The following NXPE4 variants were observed in gnomAD, a reference collection of about 807,000 sequenced individuals.
NXPE4 encodes neurexophilin and PC-esterase domain family member 4, also known as NXPE family member 4.
In NXPE4, 42 loss-of-function variants were observed where a neutral mutation model predicts 33.3. The observed-to-expected ratio is 1.26, with a 90% CI of 0.98 to 1.63. NXPE4 has a LOEUF of 1.63. Among genes scored for constraint, NXPE4 ranks in the 40% most tolerant of loss-of-function variants. The probability of loss-of-function intolerance (pLI) is 0.00; values close to 1 mark genes in which losing one functional copy is unlikely to be tolerated. For missense variants in NXPE4, 709 were observed against 647.6 expected (o/e 1.09, Z -1.03); for synonymous variants, 253 against 234.9 (o/e 1.08, Z -0.71).
the NXPE4 span, among the ~76,000 whole-genome samples, chr11:114,618,399 T>C: frequency 2.6e-5 from 4 of 152,044 alleles, no homozygotes; most frequent in Admixed American, 2.6e-4. Flanking sequence ...CAGTGGATAA[T>C]AAGTATTGCC....
chr11:114,600,406 A>C (rs1169899085), upstream of NXPE4, among the ~76,000 whole-genome samples: 1 of 152,142 alleles, frequency 6.6e-6, no homozygotes, highest in Non-Finnish European at 1.5e-5. Context: ...TCATTTACCA[A>C]ATAATCTGCC....
the NXPE4 span, among the ~76,000 whole-genome samples, chr11:114,622,471 T>C: frequency 6.6e-6 from 1 of 152,122 alleles, no homozygotes; most frequent in Non-Finnish European, 1.5e-5. Context: ...CAATAAGTAT[T>C]GCCTCATGGA....
the NXPE4 span, among the ~76,000 whole-genome samples, chr11:114,622,062 G>A: frequency 6.6e-6 from 1 of 152,104 alleles, no homozygotes; most frequent in African/African-American, 2.4e-5. Flanking sequence ...TCCTTCATGG[G>A]TAACCACTGT....
the NXPE4 span, among the ~76,000 whole-genome samples, chr11:114,662,479 A>C: frequency 6.6e-6 from 1 of 152,176 alleles, no homozygotes; most frequent in Non-Finnish European, 1.5e-5. Context: ...CAAGGACTGC[A>C]ACTTTTAGAT....
chr11:114,609,736 A>G, the NXPE4 span, among the ~76,000 whole-genome samples: 15 of 140,580 alleles, frequency 1.1e-4, no homozygotes, highest in East Asian at 4.6e-4. Flanking sequence ...TGCCTCATGG[A>G]TAACCACTGT....
At chr11:114,623,482 G>A in the NXPE4 span, among the ~76,000 whole-genome samples, 8 of 151,934 alleles carry the variant, frequency 5.3e-5, no homozygotes, top group Admixed American at 3.9e-4. Flanking sequence ...ATTTCCTCTC[G>A]GGTAACCACT....
intron 2 of NXPE4, among the ~76,000 whole-genome samples, chr11:114,589,371 G>C (rs1035051178): frequency 1.3e-5 from 2 of 152,144 alleles, no homozygotes; most frequent in Non-Finnish European, 2.9e-5. Flanking sequence ...CTGGACACCA[G>C]AGCCAGCCTC....
chr11:114,675,256 A>C, the NXPE4 span, among the ~76,000 whole-genome samples: 75,903 of 151,582 alleles, frequency 0.5, 20,164 homozygotes, highest in East Asian at 0.79. Context: ...GAGGAATAAG[A>C]GGATACCCAC....
At chr11:114,640,570 C>T in the NXPE4 span, among the ~76,000 whole-genome samples, 1 of 151,864 alleles carries the variant, frequency 6.6e-6, no homozygotes, top group East Asian at 1.9e-4. Context: ...TACACTCCCA[C>T]CCACAATGCA....
chr11:114,621,579 G>A, the NXPE4 span, among the ~76,000 whole-genome samples: 3 of 152,034 alleles, frequency 2.0e-5, no homozygotes, highest in Non-Finnish European at 4.4e-5. Context: ...ACTGTTACCT[G>A]TTGGATAATA....
At chr11:114,630,785 G>T in the NXPE4 span, among the ~76,000 whole-genome samples, 19 of 151,768 alleles carry the variant, frequency 1.3e-4, no homozygotes, top group East Asian at 3.7e-3. Context: ...CTGATAAAGG[G>T]TTAATATCCA....
At chr11:114,663,253 T>G in the NXPE4 span, among the ~76,000 whole-genome samples, 2 of 152,244 alleles carry the variant, frequency 1.3e-5, no homozygotes, top group Admixed American at 1.3e-4. Flanking sequence ...TGTCTTGTGG[T>G]TTCAGTGCCA....
At chr11:114,602,891 T>C in the NXPE4 span, among the ~76,000 whole-genome samples, 1 of 148,414 alleles carries the variant, frequency 6.7e-6, no homozygotes, top group South Asian at 2.1e-4. Flanking sequence ...CATAATTATC[T>C]AATATATAAT....
the NXPE4 span, among the ~76,000 whole-genome samples, chr11:114,633,284 T>G: frequency 7.2e-6 from 1 of 138,052 alleles, no homozygotes; most frequent in Non-Finnish European, 1.5e-5. Context: ...TTATGTTATA[T>G]TATAAAATTC....
chr11:114,576,982 TATATATATAC>T (rs928140131), intron 5 of NXPE4, among the ~76,000 whole-genome samples: 1 of 124,688 alleles, frequency 8.0e-6, no homozygotes, highest in African/African-American at 3.4e-5. Context: ...TGTTTATATA[TATATATATAC>T]ATATATATAT....
chr11:114,584,418 G>C, intron 2 of NXPE4: 1 of 259,314 alleles, frequency 3.9e-6, no homozygotes, highest in Non-Finnish European at 7.9e-6. Flanking sequence ...TGAGGATGCT[G>C]TCCCTCAAGA....
At chr11:114,655,212 T>C in the NXPE4 span, among the ~76,000 whole-genome samples, 1 of 152,260 alleles carries the variant, frequency 6.6e-6, no homozygotes, top group South Asian at 2.1e-4. Context: ...TCCTTGTAAA[T>C]GCTGGATATT....
chr11:114,572,039 CA>C (rs1174078765), intron 5 of NXPE4, among the ~76,000 whole-genome samples: 7 of 152,178 alleles, frequency 4.6e-5, no homozygotes, highest in African/African-American at 9.7e-5. Context: ...TGCTGGTATT[CA>C]AGGCTGCAAG....
chr11:114,664,699 A>G, the NXPE4 span, among the ~76,000 whole-genome samples: 1 of 152,292 alleles, frequency 6.6e-6, no homozygotes, highest in East Asian at 1.9e-4. Flanking sequence ...AAGTGGTGCA[A>G]AAGTGATAAG....
Sources: allele counts gnomAD v4.1 joint callset (sites outside exome capture counted in the v4.1 genomes callset), GRCh38; gene constraint gnomAD v4.1.1; transcripts MANE v1.5; gene names NCBI Gene and HGNC (gene_info 2026-07-23, HGNC 2026-07-21).